Variants in YEATS2 observed in about 807,000 individuals in gnomAD.
YEATS2 encodes the protein YEATS domain-containing protein 2.
A neutral mutation model predicts 163.2 loss-of-function variants in YEATS2; 77 were observed. The observed-to-expected ratio is 0.47, with a 90% CI of 0.39 to 0.57. The LOEUF (loss-of-function observed/expected upper bound fraction) is 0.57. Among genes scored for constraint, YEATS2 ranks in the 20% least tolerant of loss-of-function variants. YEATS2 has a pLI of 0.00. For synonymous variants in YEATS2, 631 were observed against 645.1 expected, an observed-to-expected ratio of 0.98 and a Z score of 0.33; for missense variants, 1,549 against 1,729.8, an observed-to-expected ratio of 0.90 and a Z score of 1.85.
At chr3:183,772,622 G>A in intron 16 of YEATS2, 59 bp downstream of exon 16, 5 of 1,595,902 alleles carry the variant, frequency 3.1e-6, no homozygotes. Context: ...AATTTCCTTT[G>A]CTAGTGATTT....
chr3:183,786,349 G>T (rs1281695187), intron 20 of YEATS2, 48 bp downstream of exon 20: 10 of 1,549,778 alleles, frequency 6.5e-6, no homozygotes, highest in Non-Finnish European at 8.8e-6. Flanking sequence ...CATGAAAGTG[G>T]TGTAGATACA....
chr3:183,781,858 G>A (rs1184994507), intron 19 of YEATS2, among the ~76,000 whole-genome samples: 1 of 151,760 alleles, frequency 6.6e-6, no homozygotes, highest in African/African-American at 2.4e-5. Context: ...AGCCATGATG[G>A]TGCCACTGCT....
intron 1 of YEATS2, among the ~76,000 whole-genome samples, chr3:183,712,296 C>A (rs930951184): frequency 6.7e-6 from 1 of 148,220 alleles, no homozygotes; most frequent in African/African-American, 2.5e-5. Context: ...CTGCAACCTG[C>A]CTTCTGGGTT....
intron 9 of YEATS2, among the ~76,000 whole-genome samples, chr3:183,747,920 C>T (rs1719728399): frequency 6.6e-6 from 1 of 151,900 alleles, no homozygotes; most frequent in Non-Finnish European, 1.5e-5. Flanking sequence ...GCTGGGATTA[C>T]AGGAACGCAC....
intron 20 of YEATS2, among the ~76,000 whole-genome samples, chr3:183,789,702 A>T (rs1577198037): frequency 7.0e-6 from 1 of 142,398 alleles, no homozygotes. Flanking sequence ...CGCCCAGCTA[A>T]TTTTTTTTTT....
intron 1 of YEATS2, among the ~76,000 whole-genome samples, chr3:183,699,942 C>G (rs1387933151): frequency 6.6e-6 from 1 of 152,130 alleles, no homozygotes; most frequent in Non-Finnish European, 1.5e-5. Context: ...GGAAATGAAA[C>G]TAATGAGTGC....
intron 2 of YEATS2, among the ~76,000 whole-genome samples, chr3:183,717,396 G>T (rs1260576144): frequency 6.6e-6 from 1 of 152,006 alleles, no homozygotes; most frequent in African/African-American, 2.4e-5. Flanking sequence ...ATCTTTCCTT[G>T]TGAGTAGATT....
At chr3:183,784,201 TTGAG>T (rs1325372771) in intron 19 of YEATS2, among the ~76,000 whole-genome samples, 1 of 152,218 alleles carries the variant, frequency 6.6e-6, no homozygotes, top group Non-Finnish European at 1.5e-5. Flanking sequence ...TTTCTGTTCT[TTGAG>T]AAATCTCCAA....
chr3:183,724,871 G>A (rs954941321), intron 6 of YEATS2, among the ~76,000 whole-genome samples: 8 of 152,062 alleles, frequency 5.3e-5, no homozygotes, highest in African/African-American at 1.9e-4. Context: ...AGCCTACCGA[G>A]TAGCTGGGAT....
chr3:183,790,673 A>T, intron 20 of YEATS2, 124 bp from the exon 21 acceptor site: 1 of 1,007,976 alleles, frequency 9.9e-7, no homozygotes, highest in Non-Finnish European at 1.5e-6. Context: ...TATGGCATTT[A>T]CTAAGTAGTC....
At chr3:183,786,946 T>C (rs1289185629) in intron 20 of YEATS2, among the ~76,000 whole-genome samples, 1 of 152,088 alleles carries the variant, frequency 6.6e-6, no homozygotes, top group Non-Finnish European at 1.5e-5. Flanking sequence ...ATTGCTGGAT[T>C]ATAAGGTAAC....
intron 1 of YEATS2, among the ~76,000 whole-genome samples, chr3:183,706,554 T>C (rs1472816260): frequency 2.0e-5 from 3 of 152,124 alleles, no homozygotes; most frequent in Admixed American, 6.6e-5. Context: ...TACACTCTTA[T>C]TAAGATTAGT....
intron 4 of YEATS2, among the ~76,000 whole-genome samples, chr3:183,719,074 C>T (rs987617719): frequency 6.6e-6 from 1 of 151,878 alleles, no homozygotes; most frequent in Non-Finnish European, 1.5e-5. Context: ...TATACATAGA[C>T]TTATCAGTCA....
Position 183,787,697 on chromosome 3 carries a change from T to C in YEATS2, c.2913+1396T>C, listed in dbSNP as rs574152223. Among the ~76,000 whole-genome samples, 52 of 152,190 alleles carry C rather than the reference T, an allele frequency of 3.4e-4. No homozygotes were observed. The South Asian group carries it at 0.011, about 31-fold the overall frequency. On this transcript the variant is annotated intron_variant, in intron 20 of 30. Transcript: ENST00000305135. Reference sequence around the variant, plus strand: ...GTTTTAAATTTTGGTTTTCATTCCTTTTTAAATTTTTTAAATTAGGCTGGG... The same window carrying C: ...GTTTTAAATTTTGGTTTTCATTCCTCTTTAAATTTTTTAAATTAGGCTGGG...
At position 183,724,488 on chromosome 3, in the gene YEATS2, C is replaced by T. The variant is rs771623462; in HGVS notation, c.607C>T (p.Arg203Ter). The change falls in exon 6 of 31, where the codon CGA becomes TGA. Residue 203 changes from arginine to a stop codon, truncating the protein, a stop_gained. Coordinates refer to ENST00000305135, the MANE Select transcript of YEATS2 (RefSeq NM_018023.5). LOFTEE classifies it high-confidence loss of function. The part of the protein sequence containing the change: ...RNADLTDETS[R>*]LFVKKTIVVG... ...TGCTGATCTCACAGATGAGACTTCA[C>T]GACTTTTTGTAAAGAAAACAATAGT... 2.5e-6 allele frequency: 4 copies of T among 1,613,674 alleles called. No homozygotes were observed. The highest frequency in any genetic ancestry group is 4.5e-5 in the East Asian group (2 of 44,848).
chr3:183,759,595 A>G (rs1434893532), intron 13 of YEATS2, among the ~76,000 whole-genome samples: 2 of 152,210 alleles, frequency 1.3e-5, no homozygotes, highest in Non-Finnish European at 2.9e-5. Flanking sequence ...AAAAACATTC[A>G]TCTGACAGCA....
intron 15 of YEATS2, among the ~76,000 whole-genome samples, chr3:183,762,907 G>C (rs1052870651): frequency 1.3e-5 from 2 of 151,826 alleles, no homozygotes; most frequent in Non-Finnish European, 2.9e-5. Context: ...CAATATTAGC[G>C]GGGTGTGGTG....
intron 1 of YEATS2, among the ~76,000 whole-genome samples, chr3:183,711,470 C>CA (rs532093071): frequency 0.3 from 21,293 of 70,194 alleles, 2,523 homozygotes; most frequent in African/African-American, 0.39. Context: ...GACTCTGTCT[C>CA]AAAAAAAAAA....
At chr3:183,765,030 T>A (rs1051853203) in intron 15 of YEATS2, among the ~76,000 whole-genome samples, 1 of 152,150 alleles carries the variant, frequency 6.6e-6, no homozygotes, top group African/African-American at 2.4e-5. Context: ...GATTTAGGAA[T>A]CATGGTGCTA....
Sources: gnomAD v4.1 joint callset for allele counts (sites outside exome capture counted in the v4.1 genomes callset) on GRCh38, gnomAD v4.1.1 for gene constraint, MANE v1.5 for transcripts, NCBI Gene and HGNC (gene_info 2026-07-23, HGNC 2026-07-21) for gene names.